The following COP1 variants were observed in gnomAD, a reference collection of about 807,000 sequenced individuals.
COP1 encodes COP1 E3 ubiquitin ligase, also known as E3 ubiquitin-protein ligase COP1.
COP1 carries 24 observed loss-of-function variants against 101.3 expected under a neutral mutation model. The ratio of observed to expected loss-of-function variants is 0.24; its 90% CI spans 0.17 to 0.33. The LOEUF is 0.33. Among genes scored for constraint, COP1 ranks in the 10% least tolerant of loss-of-function variants. The probability of loss-of-function intolerance (pLI) is 1.00; values close to 1 mark genes in which losing one functional copy is unlikely to be tolerated. For missense variants in COP1, 663 were observed against 906.2 expected, an observed-to-expected ratio of 0.73 and a Z score of 3.45; for synonymous variants, 347 against 341.9, an observed-to-expected ratio of 1.01 and a Z score of -0.17.
intron 5 of COP1, among the ~76,000 whole-genome samples, chr1:176,157,483 G>T (rs891615970): frequency 1.3e-5 from 2 of 151,998 alleles, no homozygotes; most frequent in African/African-American, 4.8e-5. Flanking sequence ...CAGACAAAGG[G>T]CCAGAAATAT....
In COP1 at chr1:176,043,299, T is replaced by C. The variant is rs113594367; in HGVS notation, c.1531-32A>G. 782 of 1,298,560 alleles carry C rather than the reference T, an allele frequency of 6.0e-4. 4 individuals carry two copies. In the African/African-American group the frequency reaches 9.6e-3, roughly 16 times the overall value. The allele number at this position is 1,298,560 out of a possible 1,614,324, so 80.4% of individuals were successfully genotyped here. On this transcript the variant is annotated intron_variant, in intron 13 of 19. Coordinates refer to ENST00000367669, the MANE Select transcript of COP1 (RefSeq NM_022457.7). ...GCAGAAAGAAGACAGTAGCCTCAGATAGAATACAGATCTCAAAATGAATAA... is the reference window on the plus strand; with the variant it reads ...GCAGAAAGAAGACAGTAGCCTCAGACAGAATACAGATCTCAAAATGAATAA...
chr1:176,035,340 T>C (rs188413845), intron 14 of COP1, among the ~76,000 whole-genome samples: 1 of 150,814 alleles, frequency 6.6e-6, no homozygotes, highest in Non-Finnish European at 1.5e-5. Context: ...GACAGAACAA[T>C]ATAAATTACC....
At chr1:176,104,506 T>C (rs1004230756) in intron 9 of COP1, among the ~76,000 whole-genome samples, 6 of 152,176 alleles carry the variant, frequency 3.9e-5, no homozygotes, top group Non-Finnish European at 7.4e-5. Flanking sequence ...GATATGAGTA[T>C]ACTACTCACT....
chr1:176,026,510 A>G (rs1667692433), intron 15 of COP1, among the ~76,000 whole-genome samples: 2 of 152,124 alleles, frequency 1.3e-5, no homozygotes, highest in South Asian at 4.1e-4. Flanking sequence ...GTAAGTATTT[A>G]AACAAGACAG....
chr1:176,140,804 T>A (rs1450131418), intron 6 of COP1, among the ~76,000 whole-genome samples: 1 of 152,020 alleles, frequency 6.6e-6, no homozygotes, highest in Non-Finnish European at 1.5e-5. Context: ...CATTACAGAG[T>A]TTGGTGCCAC....
At chr1:175,996,534 A>C (rs1271977818) in intron 15 of COP1, among the ~76,000 whole-genome samples, 1 of 152,060 alleles carries the variant, frequency 6.6e-6, no homozygotes, top group Non-Finnish European at 1.5e-5. Context: ...TAAGCTGATA[A>C]GCAACTTCAG....
chr1:176,079,922 C>G (rs940616455), intron 11 of COP1, among the ~76,000 whole-genome samples: 20 of 151,866 alleles, frequency 1.3e-4, no homozygotes, highest in African/African-American at 4.8e-4. Context: ...ACTCGGGAAG[C>G]TGAGGCATGA....
At chr1:176,154,754 T>A (rs1693192671) in intron 5 of COP1, among the ~76,000 whole-genome samples, 1 of 152,020 alleles carries the variant, frequency 6.6e-6, no homozygotes, top group African/African-American at 2.4e-5. Context: ...TACCTATATA[T>A]AACAAACCTG....
At chr1:176,033,673 C>T (rs1298344166) in intron 14 of COP1, among the ~76,000 whole-genome samples, 3 of 152,084 alleles carry the variant, frequency 2.0e-5, no homozygotes, top group Non-Finnish European at 4.4e-5. Context: ...TTAGCTGCCA[C>T]ATAATGATGG....
intron 14 of COP1, among the ~76,000 whole-genome samples, chr1:176,035,468 T>C (rs1669340243): frequency 6.6e-6 from 1 of 151,788 alleles, no homozygotes; most frequent in South Asian, 2.1e-4. Context: ...AAGAGATTAC[T>C]AGCAGTAGTT....
At chr1:176,151,386 A>AAAGG (rs1692530963) in intron 5 of COP1, among the ~76,000 whole-genome samples, 1 of 117,436 alleles carries the variant, frequency 8.5e-6, no homozygotes, top group African/African-American at 2.6e-5. Flanking sequence ...AGAAAGAAAG[A>AAAGG]AAGAAAGAAA....
At chr1:176,107,958 T>C (rs1398666147) in intron 9 of COP1, among the ~76,000 whole-genome samples, 2 of 151,818 alleles carry the variant, frequency 1.3e-5, no homozygotes, top group Non-Finnish European at 2.9e-5. Flanking sequence ...ACTGAAGAAC[T>C]GTACCAATTT....
At chr1:176,013,648 A>G (rs893792964) in intron 15 of COP1, among the ~76,000 whole-genome samples, 15 of 152,214 alleles carry the variant, frequency 9.9e-5, no homozygotes, top group Non-Finnish European at 1.2e-4. Flanking sequence ...TAATATGTGA[A>G]AAGTCAAAAT....
intron 8 of COP1, among the ~76,000 whole-genome samples, chr1:176,130,398 A>AAT (rs1213417652): frequency 6.6e-6 from 1 of 151,774 alleles, no homozygotes; most frequent in Non-Finnish European, 1.5e-5. Context: ...ACTATGCAAC[A>AAT]ATAAAATGTA....
chr1:176,005,879 G>T (rs1359928791), intron 15 of COP1, among the ~76,000 whole-genome samples: 1 of 152,108 alleles, frequency 6.6e-6, no homozygotes, highest in Non-Finnish European at 1.5e-5. Flanking sequence ...TTGGTGCAGA[G>T]CTGAGTTCAA....
At chr1:176,179,903 CACTA>C (rs941735352) in intron 2 of COP1, among the ~76,000 whole-genome samples, 1 of 151,554 alleles carries the variant, frequency 6.6e-6, no homozygotes, top group Non-Finnish European at 1.5e-5. Context: ...TAACTGTCCT[CACTA>C]ACACTAGTTC....
intron 2 of COP1, among the ~76,000 whole-genome samples, chr1:176,181,244 T>G (rs987263301): frequency 2.0e-5 from 3 of 152,126 alleles, no homozygotes; most frequent in Non-Finnish European, 4.4e-5. Context: ...TGGTCCAATT[T>G]GATTTAGTGG....
At chr1:175,979,150 C>T (rs889545088) in intron 18 of COP1, among the ~76,000 whole-genome samples, 3 of 151,956 alleles carry the variant, frequency 2.0e-5, no homozygotes, top group Non-Finnish European at 4.4e-5. Flanking sequence ...CCAAGGAGAC[C>T]TGGGGAACTT....
rs12058318 is a variant in COP1 at position 176,051,383 on chromosome 1, T to C, written c.1278-5059A>G. ...GCTGAACAATTCCTAACTTAATGAC[T>C]TGCAGTGCAACAACACGATTCTCAG... On this transcript the variant is annotated intron_variant, in intron 11 of 19. Coordinates refer to ENST00000367669, the MANE Select transcript of COP1 (RefSeq NM_022457.7). Among the ~76,000 whole-genome samples the C allele has an allele frequency of 5.5e-3, 834 of 152,324 alleles. 10 individuals are homozygous for C. The highest frequency in any genetic ancestry group is 0.019 in the African/African-American group (794 of 41,566).
Sources: gnomAD v4.1 joint callset for allele counts (sites outside exome capture counted in the v4.1 genomes callset) on GRCh38, gnomAD v4.1.1 for gene constraint, MANE v1.5 for transcripts, NCBI Gene and HGNC (gene_info 2026-07-23, HGNC 2026-07-21) for gene names.